HMOX1: variants seen among roughly 807,000 people sequenced by gnomAD.
HMOX1 encodes heat shock protein, 32-kD.
In HMOX1, 22 loss-of-function variants were observed where a neutral mutation model predicts 27.8. The observed-to-expected ratio is 0.79, with a 90% confidence interval of 0.57 to 1.13. The LOEUF (loss-of-function observed/expected upper bound fraction) is 1.13. Ranked by LOEUF, HMOX1 falls within the 50% of genes most tolerant of loss-of-function variation. HMOX1 has a pLI of 0.00. For missense variants in HMOX1, 379 were observed against 377.7 expected (o/e 1.00, Z -0.03); for synonymous variants, 153 against 151.6 (o/e 1.01, Z -0.07).
intron 2 of HMOX1, among the ~76,000 whole-genome samples, chr22:35,385,034 C>T (rs768650696): frequency 3.3e-5 from 5 of 151,970 alleles, no homozygotes; most frequent in Non-Finnish European, 7.4e-5. Context: ...AGAAATAACT[C>T]AGAAACTCCA....
At chr22:35,381,446 T>G (rs1229592273) in intron 1 of HMOX1, 2 of 571,126 alleles carry the variant, frequency 3.5e-6, no homozygotes, top group African/African-American at 1.9e-5. Flanking sequence ...CCCTAGAGTA[T>G]CCAGTCTTTG....
intron 4 of HMOX1, among the ~76,000 whole-genome samples, chr22:35,390,991 G>A (rs1414886258): frequency 6.6e-6 from 1 of 152,252 alleles, no homozygotes; most frequent in Non-Finnish European, 1.5e-5. Flanking sequence ...GCTTTGGGAT[G>A]GGTAGCAATA....
chr22:35,383,976 G>T (rs534255300), intron 2 of HMOX1, among the ~76,000 whole-genome samples: 1 of 152,166 alleles, frequency 6.6e-6, no homozygotes, highest in East Asian at 1.9e-4. Flanking sequence ...TTGAACAGAG[G>T]GTGTGGGGGT....
intron 4 of HMOX1, among the ~76,000 whole-genome samples, chr22:35,391,168 C>T (rs1450455133): frequency 1.3e-5 from 2 of 152,124 alleles, no homozygotes; most frequent in African/African-American, 4.8e-5. Context: ...GGTAGGGAGA[C>T]GTCACCCTAA....
At chr22:35,383,626 T>C (rs1194925950) in intron 2 of HMOX1, among the ~76,000 whole-genome samples, 1 of 152,176 alleles carries the variant, frequency 6.6e-6, no homozygotes, top group Non-Finnish European at 1.5e-5. Flanking sequence ...CAAGACCGAT[T>C]TCAGCCTTGT....
At chr22:35,382,501 A>T (rs1414488242) in intron 1 of HMOX1, among the ~76,000 whole-genome samples, 3 of 144,468 alleles carry the variant, frequency 2.1e-5, no homozygotes, top group Admixed American at 6.9e-5. Flanking sequence ...ACAGGCGCCC[A>T]CTACCATGCC....
chr22:35,386,766 C>T lies in HMOX1; in HGVS notation c.226C>T (p.Pro76Ser), dbSNP rs1447344275. Residue 76 changes from proline to serine, a missense_variant, in exon 3 of 5, where the codon CCT becomes TCT. Transcript: ENST00000216117. ...CAACAAGGAGAGCCCAGTCTTCGCC[C>T]CTGTCTACTTCCCAGAAGAGCTGCA... is the stretch of plus-strand genomic sequence containing the variant. ...ERNKESPVFA[P>S]VYFPEELHRK... 1 of 1,614,106 alleles carries T rather than the reference C, an allele frequency of 6.2e-7. No homozygotes were observed. Among genetic ancestry groups the T allele is most frequent in the East Asian group, 2.2e-5 (1 of 44,892 alleles).
chr22:35,385,756 T>C (rs1601740820), intron 2 of HMOX1, among the ~76,000 whole-genome samples: 1 of 150,202 alleles, frequency 6.7e-6, no homozygotes, highest in East Asian at 2.0e-4. Context: ...GCTGGGATTA[T>C]AGGTGCCTGC....
Position 35,386,796 on chromosome 22 carries a change from A to G in HMOX1, c.256A>G (p.Lys86Glu). Residue 86 changes from lysine (K) to glutamate (E), a missense_variant, in exon 3 of 5, where the codon AAG (lysine) becomes GAG (glutamate). Transcript: ENST00000216117. Reference protein sequence around the residue: ...PVYFPEELHRKAALEQDLAFW... With the variant: ...PVYFPEELHREAALEQDLAFW... Reference sequence around the variant, plus strand: ...CTACTTCCCAGAAGAGCTGCACCGCAAGGCTGCCCTGGAGCAGGACCTGGC... The same window carrying G: ...CTACTTCCCAGAAGAGCTGCACCGCGAGGCTGCCCTGGAGCAGGACCTGGC... The G allele has an allele frequency of 6.2e-7, 1 of 1,614,210 alleles. No individual in the cohort carries two copies. The highest frequency in any genetic ancestry group is 8.5e-7 in the Non-Finnish European group (1 of 1,180,018).
chr22:35,382,742 C>G (rs1348758058), intron 1 of HMOX1, among the ~76,000 whole-genome samples: 3 of 151,150 alleles, frequency 2.0e-5, no homozygotes, highest in African/African-American at 4.9e-5. Flanking sequence ...GATCTCAGCT[C>G]ACTGCAACCT....
At chr22:35,381,343 A>G in intron 1 of HMOX1, 147 bp downstream of exon 1, 2 of 903,548 alleles carry the variant, frequency 2.2e-6, no homozygotes, top group African/African-American at 1.7e-5. Context: ...CGGGGTTCTG[A>G]TCCTGCCTGT....
rs765282681 is a variant in HMOX1 at position 35,386,800 on chromosome 22, C to T, written c.260C>T (p.Ala87Val). 6.2e-7 allele frequency: 1 copy of T among 1,614,246 alleles called. No homozygotes were observed. Among genetic ancestry groups the T allele is most frequent in the South Asian group, 1.1e-5 (1 of 91,088 alleles). The change falls in exon 3 of 5, where the codon GCT becomes GTT. Residue 87 changes from alanine to valine, a missense_variant. Coordinates refer to ENST00000216117, the MANE Select transcript of HMOX1 (RefSeq NM_002133.3). ...VYFPEELHRK[A>V]ALEQDLAFWY... Reference sequence around the variant, plus strand: ...TTCCCAGAAGAGCTGCACCGCAAGGCTGCCCTGGAGCAGGACCTGGCCTTC... The same window carrying T: ...TTCCCAGAAGAGCTGCACCGCAAGGTTGCCCTGGAGCAGGACCTGGCCTTC...
intron 4 of HMOX1, among the ~76,000 whole-genome samples, chr22:35,391,992 A>G (rs1287429363): frequency 6.6e-6 from 1 of 151,868 alleles, no homozygotes; most frequent in African/African-American, 2.4e-5. Flanking sequence ...TGGGAGGCTG[A>G]GGCACGGGGA....
chr22:35,389,449 T>TTTCTTTCTTTCTTTCTTTCTTTCTTTC (rs1555901645), intron 3 of HMOX1, among the ~76,000 whole-genome samples: 1 of 102,726 alleles, frequency 9.7e-6, no homozygotes, highest in African/African-American at 7.9e-5. Context: ...TCTTTCTTTC[T>TTTCTTTCTTTCTTTCTTTCTTTCTTTC]TTTCTTTCTT....
At chr22:35,392,593 A>G (rs1931748594) in intron 4 of HMOX1, among the ~76,000 whole-genome samples, 1 of 152,146 alleles carries the variant, frequency 6.6e-6, no homozygotes, top group Non-Finnish European at 1.5e-5. Context: ...GTCTGGCTCC[A>G]GAGACCTGCC....
intron 2 of HMOX1, 111 bp downstream of exon 2, chr22:35,383,337 C>A: frequency 8.4e-7 from 1 of 1,193,500 alleles, no homozygotes; most frequent in Non-Finnish European, 1.2e-6. Context: ...ATGGGCATGT[C>A]CAATAGAATC....
intron 3 of HMOX1, among the ~76,000 whole-genome samples, chr22:35,389,212 TCTCTC>T (rs1459017916): frequency 1.7e-5 from 2 of 114,958 alleles, no homozygotes; most frequent in Non-Finnish European, 3.6e-5. Flanking sequence ...TTTCTTTCTT[TCTCTC>T]TTTCTTTCTT....
intron 3 of HMOX1, among the ~76,000 whole-genome samples, chr22:35,389,322 CTTTCTTTCTTT>C (rs1569057371): frequency 1.0e-5 from 1 of 98,868 alleles, no homozygotes; most frequent in East Asian, 2.8e-4. Flanking sequence ...TTTCTTTCTT[CTTTCTTTCTTT>C]CTTTCTTCTC....
Position 35,393,874 on chromosome 22 carries a change from A to G in HMOX1, c.*276A>G, listed in dbSNP as rs1931792809. On this transcript the variant is annotated 3_prime_UTR_variant, in exon 5 of 5. Coordinates refer to ENST00000216117, the MANE Select transcript of HMOX1 (RefSeq NM_002133.3). ...CTCAGTTCCTGCAGCAGAGCCTGGAAGACACCCTAATGTGGCAGCTGTCTC... is the reference window on the plus strand; with the variant it reads ...CTCAGTTCCTGCAGCAGAGCCTGGAGGACACCCTAATGTGGCAGCTGTCTC... 4 of 447,808 alleles carry G rather than the reference A, an allele frequency of 8.9e-6. No individual in the cohort carries two copies. Among genetic ancestry groups the G allele is most frequent in the Non-Finnish European group, 1.7e-5 (4 of 240,438 alleles). The allele number at this position is 447,808 out of a possible 1,614,324, so 27.7% of individuals were successfully genotyped here.
Sources: allele counts gnomAD v4.1 joint callset (sites outside exome capture counted in the v4.1 genomes callset), GRCh38; gene constraint gnomAD v4.1.1; transcripts MANE v1.5; gene names NCBI Gene and HGNC (gene_info 2026-07-23, HGNC 2026-07-21).